Variants in GAPVD1 observed in about 807,000 individuals in gnomAD.
GAPVD1 encodes the protein GTPase activating protein and VPS9 domains 1, also known as GTPase-activating protein and VPS9 domain-containing protein 1.
Under a neutral mutation model 155.5 loss-of-function variants are expected in GAPVD1, and 35 were observed. That is an observed-to-expected ratio of 0.23 (90% CI 0.17 to 0.30). The LOEUF (loss-of-function observed/expected upper bound fraction) is 0.30, where lower values mean the gene tolerates loss of function less well. Ranked by LOEUF, GAPVD1 falls within the 10% of genes least tolerant of loss-of-function variation. The probability of loss-of-function intolerance (pLI) is 1.00; values close to 1 mark genes in which losing one functional copy is unlikely to be tolerated. For synonymous variants in GAPVD1, 636 were observed against 619.7 expected (o/e 1.03, Z -0.39); for missense variants, 1,429 against 1,775.7 (o/e 0.80, Z 3.51).
chr9:125,293,864 A>AAAATATATTT lies in GAPVD1; in HGVS notation c.-149-1594_-149-1593insAAATATATTT, dbSNP rs1427205864. ...ATAAAAATATATTTTATATATATAT[A>AAAATATATTT]TATATATATATATATATATATATAT... On this transcript the variant is annotated intron_variant, in intron 2 of 27. Transcript: ENST00000297933. Among the ~76,000 whole-genome samples the AAAATATATTT allele has an allele frequency of 1.6e-3, 24 of 14,728 alleles. 1 individual carries two copies. Among genetic ancestry groups the AAAATATATTT allele is most frequent in the African/African-American group, 0.016 (23 of 1,482 alleles). 9.7% of individuals were successfully genotyped at this position (14,728 alleles called of 152,430 possible). A position where few individuals can be genotyped will look rare whatever the true frequency, so the allele number is the denominator to read the frequency against.
chr9:125,354,887 G>A (rs749876386), intron 24 of GAPVD1, 46 bp downstream of exon 24: 7 of 1,302,684 alleles, frequency 5.4e-6, no homozygotes, highest in Non-Finnish European at 7.7e-6. Context: ...CTGTAATACT[G>A]TTGGGAAGAT....
chr9:125,308,986 A>G (rs894650519), intron 8 of GAPVD1: 1 of 152,236 alleles, frequency 6.6e-6, no homozygotes, highest in Non-Finnish European at 1.5e-5. Flanking sequence ...TAGACAAAGT[A>G]AACAAGATGA....
Position 125,302,172 on chromosome 9 carries a change from A to T in GAPVD1, c.375A>T (p.Thr125=). Residue 125 remains threonine (T), a synonymous_variant, in exon 5 of 28, where the codon ACA becomes ACT. Transcript: ENST00000297933. ...GAGAGAAACTTAATCAGGAGAACAC[A>T]CAAAGTGTTATTTACACAGTTTTTA... ...VAGEKLNQEN[T]QSVIYTVFTS... 6.2e-7 allele frequency: 1 copy of T among 1,613,894 alleles called. No individual in the cohort carries two copies. Among genetic ancestry groups the T allele is most frequent in the South Asian group, 1.1e-5 (1 of 91,076 alleles).
At position 125,354,795 on chromosome 9, in the gene GAPVD1, A is replaced by G; in HGVS notation, c.3711A>G (p.Arg1237=). Residue 1237 remains arginine, a synonymous_variant, in exon 24 of 28, where the codon AGA becomes AGG. Transcript: ENST00000297933. The part of the protein sequence containing the change: ...ANRYFTTVCV[R]LLLESKEKKI... The stretch of plus-strand genomic sequence containing the variant: ...GATACTTTACCACTGTCTGTGTGAG[A>G]TTACTGCTTGAGAGCAAAGAAAAGA... 6.2e-7 allele frequency: 1 copy of G among 1,614,062 alleles called. No individual in the cohort carries two copies. The highest frequency in any genetic ancestry group is 8.5e-7 in the Non-Finnish European group (1 of 1,179,896).
At chr9:125,340,110 T>C (rs892406126) in intron 17 of GAPVD1, among the ~76,000 whole-genome samples, 1 of 152,180 alleles carries the variant, frequency 6.6e-6, no homozygotes, top group African/African-American at 2.4e-5. Context: ...AACCTCCACC[T>C]CCCGGGTTCA....
rs748860611 is a variant in GAPVD1, at chr9:125,323,903, A to G, written c.1838A>G (p.Gln613Arg). 5.6e-6 allele frequency: 9 copies of G among 1,613,596 alleles called. No individual in the cohort carries two copies. The highest frequency in any genetic ancestry group is 1.7e-5 in the Admixed American group (1 of 59,950). The change falls in exon 11 of 28, where the codon CAG (glutamine) becomes CGG (arginine). Residue 613 changes from glutamine to arginine, a missense_variant. Gln to Arg is a conservative substitution (Grantham distance 43, BLOSUM62 1). This residue lies in a region of GAPVD1 where 628 missense variants were observed against 733.4 expected (regional missense o/e 0.86). Transcript: ENST00000297933. Reference protein sequence around the residue: ...PSGSNGVEALQLLEHEQATTQ... With the variant: ...PSGSNGVEALRLLEHEQATTQ... ...GGCAGTAATGGAGTTGAAGCTCTAC[A>G]GCTGTTAGAACATGAGCAAGGTAAA...
chr9:125,279,279 C>T (rs1836330990), intron 2 of GAPVD1, among the ~76,000 whole-genome samples: 1 of 150,708 alleles, frequency 6.6e-6, no homozygotes, highest in Non-Finnish European at 1.5e-5. Context: ...TACATAAATA[C>T]TATGAGGAAG....
chr9:125,341,335 C>T, intron 18 of GAPVD1, 71 bp downstream of exon 18: 1 of 769,700 alleles, frequency 1.3e-6, no homozygotes, highest in Non-Finnish European at 2.2e-6. Flanking sequence ...TTTCAGAGAG[C>T]CAATGTCTCA....
At chr9:125,297,150 T>C (rs1030490403) in intron 3 of GAPVD1, among the ~76,000 whole-genome samples, 4 of 152,236 alleles carry the variant, frequency 2.6e-5, no homozygotes, top group Admixed American at 2.6e-4. Context: ...TTTGTTTAGC[T>C]GCTAGATAAA....
intron 10 of GAPVD1, among the ~76,000 whole-genome samples, chr9:125,323,229 C>T: frequency 6.6e-6 from 1 of 151,828 alleles, no homozygotes; most frequent in Non-Finnish European, 1.5e-5. Context: ...GCCTCAGCCT[C>T]CTAAGTAGCT....
At chr9:125,339,154 C>T (rs1045281986) in intron 17 of GAPVD1, among the ~76,000 whole-genome samples, 5 of 151,912 alleles carry the variant, frequency 3.3e-5, no homozygotes, top group African/African-American at 7.3e-5. Flanking sequence ...CTAATTTTTT[C>T]GTTTGTTTGT....
At chr9:125,271,103 T>TG (rs1491401791) in intron 2 of GAPVD1, among the ~76,000 whole-genome samples, 87 of 152,296 alleles carry the variant, frequency 5.7e-4, no homozygotes, top group African/African-American at 2.1e-3. Flanking sequence ...TCTAATACTC[T>TG]TTGTGTGTGT....
At chr9:125,280,352 C>T (rs1234425210) in intron 2 of GAPVD1, among the ~76,000 whole-genome samples, 11 of 133,056 alleles carry the variant, frequency 8.3e-5, no homozygotes, top group African/African-American at 2.0e-4. Context: ...GCCGAGATTG[C>T]GCCATTGCGC....
intron 9 of GAPVD1, among the ~76,000 whole-genome samples, chr9:125,319,790 G>A (rs1209071354): frequency 6.6e-6 from 1 of 151,822 alleles, no homozygotes; most frequent in Non-Finnish European, 1.5e-5. Flanking sequence ...TAGTAGAGAT[G>A]GGATTTTGCC....
chr9:125,282,796 C>T (rs1447839323), intron 2 of GAPVD1, among the ~76,000 whole-genome samples: 1 of 152,090 alleles, frequency 6.6e-6, no homozygotes, highest in African/African-American at 2.4e-5. Flanking sequence ...CCACAAGTCA[C>T]GTTGCCAATA....
chr9:125,290,492 G>A (rs1293818099), intron 2 of GAPVD1, among the ~76,000 whole-genome samples: 1 of 152,182 alleles, frequency 6.6e-6, no homozygotes, highest in Non-Finnish European at 1.5e-5. Flanking sequence ...GTATGATACT[G>A]TGAGCTTGTG....
Position 125,307,597 on chromosome 9 carries a change from C to T in GAPVD1, c.1251+50C>T, listed in dbSNP as rs113595248. On this transcript the variant is annotated intron_variant, in intron 7 of 27. Coordinates refer to ENST00000297933, the MANE Select transcript of GAPVD1 (RefSeq NM_001282680.3). Reference sequence around the variant, plus strand: ...ATTTCTCGAAAGTCTTTTAGCTAAGCGTGAGCAAAAACATACATGAGTACA... The same window carrying T: ...ATTTCTCGAAAGTCTTTTAGCTAAGTGTGAGCAAAAACATACATGAGTACA... 136 of 1,580,232 alleles carry T rather than the reference C, an allele frequency of 8.6e-5. No individual in the cohort carries two copies. In the African/African-American group the frequency reaches 9.5e-4, roughly 11 times the overall value.
intron 2 of GAPVD1, among the ~76,000 whole-genome samples, chr9:125,286,887 C>T (rs1837789731): frequency 6.6e-6 from 1 of 151,958 alleles, no homozygotes; most frequent in Non-Finnish European, 1.5e-5. Flanking sequence ...AGTTTGAGAC[C>T]AGCCTGGCCA....
At chr9:125,315,758 G>A (rs1038575534) in intron 9 of GAPVD1, among the ~76,000 whole-genome samples, 3 of 151,896 alleles carry the variant, frequency 2.0e-5, no homozygotes, top group Non-Finnish European at 4.4e-5. Flanking sequence ...GAGACACCAG[G>A]GGGCACAAAG....
Sources: allele counts gnomAD v4.1 joint callset (sites outside exome capture counted in the v4.1 genomes callset), GRCh38; gene constraint gnomAD v4.1.1; regional missense constraint gnomAD v4.1.1; transcripts MANE v1.5; gene names NCBI Gene and HGNC (gene_info 2026-07-23, HGNC 2026-07-21).